The following CSRNP3 variants were observed in gnomAD, a reference collection of about 807,000 sequenced individuals.
The protein encoded by CSRNP3 is cysteine and serine rich nuclear protein 3.
In CSRNP3, 12 loss-of-function variants were observed where a neutral mutation model predicts 48.0. The observed-to-expected ratio is 0.25, with a 90% CI of 0.16 to 0.41. CSRNP3 has a LOEUF of 0.41. Among genes scored for constraint, CSRNP3 ranks in the 10% least tolerant of loss-of-function variants. CSRNP3 has a pLI of 1.00. For synonymous variants in CSRNP3, 263 were observed against 269.7 expected (o/e 0.98, Z 0.24); for missense variants, 580 against 724.4 (o/e 0.80, Z 2.29).
At chr2:165,598,278 AATG>A (rs1186151452) in intron 4 of CSRNP3, among the ~76,000 whole-genome samples, 1 of 152,170 alleles carries the variant, frequency 6.6e-6, no homozygotes, top group Non-Finnish European at 1.5e-5. Context: ...TTTGTGAAAT[AATG>A]ATAAGTAAGA....
Position 165,673,131 on chromosome 2 carries a change from C to CTTT in CSRNP3, c.409-3159_409-3157dup, listed in dbSNP as rs3032370. ...AGCAAGAGTGAAACAGTATGTAGCT[C>CTTT]TTTTTTTTTTTTTTTTTTTTTTTTG... On this transcript the variant is annotated intron_variant, in intron 5 of 6. Coordinates refer to ENST00000651982, the MANE Select transcript of CSRNP3 (RefSeq NM_001172173.2). Among the ~76,000 whole-genome samples the CTTT allele has an allele frequency of 7.4e-3, 496 of 67,076 alleles. 60 individuals carry two copies. The highest frequency in any genetic ancestry group is 0.023 in the South Asian group (35 of 1,508). The allele number at this position is 67,076 out of a possible 152,430, so 44.0% of individuals were successfully genotyped here. A position where few individuals can be genotyped will look rare whatever the true frequency, so the allele number is the denominator to read the frequency against.
chr2:165,615,510 T>A (rs1187737502), intron 4 of CSRNP3, among the ~76,000 whole-genome samples: 1 of 150,802 alleles, frequency 6.6e-6, no homozygotes, highest in Non-Finnish European at 1.5e-5. Context: ...GCCACTGCAC[T>A]CTAGCCTCGG....
chr2:165,632,050 C>T (rs1331636845), intron 4 of CSRNP3, among the ~76,000 whole-genome samples: 1 of 152,206 alleles, frequency 6.6e-6, no homozygotes, highest in Non-Finnish European at 1.5e-5. Flanking sequence ...TTCTGTGCTG[C>T]ATGGCCAGGC....
chr2:165,484,828 A>G (rs375645508), intron 1 of CSRNP3, among the ~76,000 whole-genome samples: 7 of 152,210 alleles, frequency 4.6e-5, no homozygotes, highest in East Asian at 1.9e-4. Context: ...TGGTAGTTCA[A>G]CCAGAGTGTA....
At chr2:165,520,511 A>G (rs1050337475) in intron 3 of CSRNP3, among the ~76,000 whole-genome samples, 1 of 152,064 alleles carries the variant, frequency 6.6e-6, no homozygotes, top group African/African-American at 2.4e-5. Context: ...TGGCCATGCA[A>G]ATAAACAAAA....
At chr2:165,545,460 A>G (rs575835687) in intron 3 of CSRNP3, among the ~76,000 whole-genome samples, 1 of 152,342 alleles carries the variant, frequency 6.6e-6, no homozygotes, top group Admixed American at 6.5e-5. Context: ...GATTTGGCAC[A>G]GAGGGGCAAG....
chr2:165,533,913 A>G (rs1684849003), intron 3 of CSRNP3, among the ~76,000 whole-genome samples: 1 of 152,038 alleles, frequency 6.6e-6, no homozygotes, highest in African/African-American at 2.4e-5. Flanking sequence ...ATATAAGACA[A>G]TAAATGTTAC....
intron 3 of CSRNP3, among the ~76,000 whole-genome samples, chr2:165,588,538 T>C (rs1375793445): frequency 6.6e-6 from 1 of 152,242 alleles, no homozygotes; most frequent in Admixed American, 6.5e-5. Flanking sequence ...GTTTCATGAA[T>C]TGGACAACGA....
intron 4 of CSRNP3, among the ~76,000 whole-genome samples, chr2:165,598,621 C>A (rs1275431776): frequency 2.6e-5 from 4 of 151,952 alleles, no homozygotes; most frequent in African/African-American, 9.7e-5. Context: ...TTATGTTCAG[C>A]CGAGATTATT....
At chr2:165,581,601 A>G (rs1210102767) in intron 3 of CSRNP3, among the ~76,000 whole-genome samples, 1 of 132,292 alleles carries the variant, frequency 7.6e-6, no homozygotes, top group African/African-American at 2.9e-5. Flanking sequence ...CAGTGGCGCT[A>G]TCTCAGCTCA....
chr2:165,596,534 C>G (rs184241000), intron 4 of CSRNP3, among the ~76,000 whole-genome samples: 32 of 152,170 alleles, frequency 2.1e-4, no homozygotes, highest in Non-Finnish European at 1.5e-5. Context: ...TTCCATTAAG[C>G]AAGCACAACT....
chr2:165,680,040 A>G lies in CSRNP3; in HGVS notation c.*287A>G, dbSNP rs899882189. On this transcript the variant is annotated 3_prime_UTR_variant, in exon 7 of 7. Transcript: ENST00000651982. ...CCTGTCAAACTGTGTGAAACCTGCC[A>G]ATCTGTGTAGATCAGAGCTCCAAAT... 1.0e-5 allele frequency: 4 copies of G among 381,054 alleles called. No homozygotes were observed. The highest frequency in any genetic ancestry group is 1.9e-5 in the Non-Finnish European group (4 of 212,314). 23.6% of individuals were successfully genotyped at this position (381,054 alleles called of 1,614,324 possible).
At chr2:165,595,532 CA>C (rs1183618977) in intron 4 of CSRNP3, among the ~76,000 whole-genome samples, 3 of 149,928 alleles carry the variant, frequency 2.0e-5, no homozygotes, top group Non-Finnish European at 4.4e-5. Context: ...AATCCAGTTT[CA>C]AAAAAAAAGT....
intron 4 of CSRNP3, among the ~76,000 whole-genome samples, chr2:165,639,472 T>C (rs1250291194): frequency 1.3e-5 from 2 of 152,172 alleles, no homozygotes; most frequent in African/African-American, 4.8e-5. Flanking sequence ...ACAAAGTGCA[T>C]GGTTATATAC....
intron 4 of CSRNP3, among the ~76,000 whole-genome samples, chr2:165,642,254 A>G (rs1181406922): frequency 2.0e-5 from 3 of 152,094 alleles, no homozygotes; most frequent in Non-Finnish European, 4.4e-5. Flanking sequence ...CTTTATACTG[A>G]TTCTCTCCTC....
intron 1 of CSRNP3, among the ~76,000 whole-genome samples, chr2:165,492,724 T>TAAA (rs11304265): frequency 1.3e-4 from 14 of 110,148 alleles, no homozygotes; most frequent in Admixed American, 1.9e-4. Flanking sequence ...ACTATTAGAG[T>TAAA]AAAAAAAAAA....
chr2:165,518,698 A>T lies in CSRNP3; in HGVS notation c.-24+737A>T, dbSNP rs1574816888. ...TGTTTATATTGTGGGACCCAATATC[A>T]ACTATTCATAATTTTAAATGAAAAA... On this transcript the variant is annotated intron_variant, in intron 3 of 6. Transcript: ENST00000651982. 2.0e-5 allele frequency among the ~76,000 whole-genome samples: 3 copies of T among 152,114 alleles called. No individual in the cohort carries two copies. The East Asian group carries it at 5.8e-4, about 29-fold the overall frequency.
chr2:165,580,796 C>T (rs73972103), intron 3 of CSRNP3, among the ~76,000 whole-genome samples: 1 of 150,994 alleles, frequency 6.6e-6, no homozygotes, highest in Non-Finnish European at 1.5e-5. Flanking sequence ...TAAGAAGAAA[C>T]AAAAAATGCT....
chr2:165,604,080 A>G (rs1685969869), intron 4 of CSRNP3, among the ~76,000 whole-genome samples: 2 of 152,342 alleles, frequency 1.3e-5, no homozygotes, highest in Admixed American at 1.3e-4. Context: ...GTGAATGGAT[A>G]TTTATTAGGT....
Sources: gnomAD v4.1 joint callset for allele counts (sites outside exome capture counted in the v4.1 genomes callset) on GRCh38, gnomAD v4.1.1 for gene constraint, MANE v1.5 for transcripts, NCBI Gene and HGNC (gene_info 2026-07-23, HGNC 2026-07-21) for gene names.